Variants in EXOC4 observed in about 807,000 individuals in gnomAD.
The protein encoded by EXOC4 is SEC8-like 1.
In EXOC4, 71 loss-of-function variants were observed where a neutral mutation model predicts 107.2. The ratio of observed to expected loss-of-function variants is 0.66; its 90% confidence interval spans 0.55 to 0.81. The LOEUF is 0.81. Ranked by LOEUF, EXOC4 falls within the 30% of genes least tolerant of loss-of-function variation. The pLI is 0.00. For synonymous variants in EXOC4, 456 were observed against 441.2 expected, an observed-to-expected ratio of 1.03 and a Z score of -0.42; for missense variants, 1,108 against 1,189.6, an observed-to-expected ratio of 0.93 and a Z score of 1.01.
chr7:133,278,339 A>T (rs535855563), intron 2 of EXOC4, among the ~76,000 whole-genome samples: 25 of 152,218 alleles, frequency 1.6e-4, no homozygotes, highest in Non-Finnish European at 2.9e-4. Context: ...GGGGAGACAG[A>T]CTACAGACTA....
chr7:133,407,160 C>T (rs1054563845), intron 7 of EXOC4, among the ~76,000 whole-genome samples: 1 of 152,268 alleles, frequency 6.6e-6, no homozygotes, highest in East Asian at 1.9e-4. Context: ...AGATGTGGAT[C>T]TGATCAAGTT....
At chr7:133,928,992 G>A (rs1800114916) in intron 13 of EXOC4, among the ~76,000 whole-genome samples, 1 of 135,388 alleles carries the variant, frequency 7.4e-6, no homozygotes, top group South Asian at 2.5e-4. Context: ...GAGTGCAGTG[G>A]CACCATCTCG....
chr7:134,053,419 G>C (rs1795844478), intron 17 of EXOC4, among the ~76,000 whole-genome samples: 1 of 152,036 alleles, frequency 6.6e-6, no homozygotes, highest in Non-Finnish European at 1.5e-5. Context: ...CTCAGATGAA[G>C]AGAATAAGGC....
At chr7:133,670,105 G>T (rs570812431) in intron 10 of EXOC4, among the ~76,000 whole-genome samples, 2 of 152,074 alleles carry the variant, frequency 1.3e-5, no homozygotes, top group South Asian at 4.2e-4. Context: ...CTGTGGCGAG[G>T]GTGTTTCTTT....
intron 17 of EXOC4, among the ~76,000 whole-genome samples, chr7:134,042,546 G>A (rs1795544930): frequency 6.6e-6 from 1 of 152,008 alleles, no homozygotes; most frequent in African/African-American, 2.4e-5. Context: ...GCACACTGTC[G>A]ATTACGACAG....
chr7:133,717,320 A>G (rs1435667708), intron 10 of EXOC4, among the ~76,000 whole-genome samples: 1 of 152,220 alleles, frequency 6.6e-6, no homozygotes, highest in Non-Finnish European at 1.5e-5. Context: ...GGTTAGTATT[A>G]TTCATTTAAT....
chr7:133,826,031 A>G (rs1196774452), intron 11 of EXOC4, among the ~76,000 whole-genome samples: 1 of 152,124 alleles, frequency 6.6e-6, no homozygotes, highest in Non-Finnish European at 1.5e-5. Context: ...TTATTTATTC[A>G]CTAACAGTAT....
intron 9 of EXOC4, among the ~76,000 whole-genome samples, chr7:133,539,466 GA>G (rs1800338919): frequency 6.6e-6 from 1 of 151,900 alleles, no homozygotes; most frequent in Non-Finnish European, 1.5e-5. Context: ...ACTCTGAAAT[GA>G]ACTTCCTTTG....
chr7:134,033,555 C>T (rs1040664115), intron 17 of EXOC4, among the ~76,000 whole-genome samples: 1 of 152,080 alleles, frequency 6.6e-6, no homozygotes, highest in Non-Finnish European at 1.5e-5. Context: ...CTTGCCTATA[C>T]TTAGAGGCCC....
chr7:133,546,251 A>C (rs1410726545), intron 9 of EXOC4, among the ~76,000 whole-genome samples: 1 of 121,156 alleles, frequency 8.3e-6, no homozygotes, highest in Non-Finnish European at 1.7e-5. Context: ...ATAGCTGGAA[A>C]ACTTTTTTTT....
At chr7:133,766,485 T>A (rs1409559309) in intron 10 of EXOC4, among the ~76,000 whole-genome samples, 3 of 151,986 alleles carry the variant, frequency 2.0e-5, no homozygotes, top group Non-Finnish European at 4.4e-5. Context: ...AATCTTTATC[T>A]ACCTCAGTGG....
intron 7 of EXOC4, among the ~76,000 whole-genome samples, chr7:133,377,453 A>G (rs930079013): frequency 6.6e-6 from 1 of 152,226 alleles, no homozygotes; most frequent in Non-Finnish European, 1.5e-5. Flanking sequence ...ATTTGAGGAT[A>G]GATCAATGTA....
At chr7:133,606,932 A>AT (rs1186779062) in intron 9 of EXOC4, among the ~76,000 whole-genome samples, 1 of 152,086 alleles carries the variant, frequency 6.6e-6, no homozygotes, top group Non-Finnish European at 1.5e-5. Context: ...ATACTTTCGG[A>AT]TTATTCCATC....
chr7:133,896,201 A>G (rs1000434736), intron 12 of EXOC4, among the ~76,000 whole-genome samples: 15 of 152,192 alleles, frequency 9.9e-5, no homozygotes, highest in African/African-American at 3.4e-4. Flanking sequence ...TGTTTTCAGC[A>G]TCAGTAGCAA....
At chr7:133,475,506 GAA>G in intron 8 of EXOC4, 33 bp downstream of exon 8, 1 of 1,595,130 alleles carries the variant, frequency 6.3e-7, no homozygotes, top group Non-Finnish European at 8.6e-7. Flanking sequence ...TAGGTTTTAA[GAA>G]TTGTTAGACT....
intron 9 of EXOC4, among the ~76,000 whole-genome samples, chr7:133,505,092 C>T (rs1799643534): frequency 6.6e-6 from 1 of 152,040 alleles, no homozygotes; most frequent in Admixed American, 6.6e-5. Context: ...AAGAAAAACT[C>T]TAGACTCTGC....
intron 12 of EXOC4, among the ~76,000 whole-genome samples, chr7:133,911,989 A>G (rs2116608420): frequency 6.6e-6 from 1 of 152,386 alleles, no homozygotes; most frequent in Non-Finnish European, 1.5e-5. Flanking sequence ...TCTAGATATG[A>G]ATGGTGAAAT....
intron 10 of EXOC4, among the ~76,000 whole-genome samples, chr7:133,742,378 A>T (rs913118111): frequency 6.6e-6 from 1 of 152,222 alleles, no homozygotes; most frequent in Non-Finnish European, 1.5e-5. Context: ...ACAATGCAAC[A>T]TGATACCCTG....
chr7:133,784,928 G>A (rs1482693516), intron 10 of EXOC4, among the ~76,000 whole-genome samples: 1 of 152,164 alleles, frequency 6.6e-6, no homozygotes, highest in Non-Finnish European at 1.5e-5. Flanking sequence ...ATTCCTAACA[G>A]CTGTGCTGTT....
Sources: allele counts gnomAD v4.1 joint callset (sites outside exome capture counted in the v4.1 genomes callset), GRCh38; gene constraint gnomAD v4.1.1; transcripts MANE v1.5; gene names NCBI Gene and HGNC (gene_info 2026-07-23, HGNC 2026-07-21).